CREG2: variants seen among roughly 807,000 people sequenced by gnomAD.
The protein encoded by CREG2 is protein CREG2.
CREG2 carries 24 observed loss-of-function variants against 26.2 expected under a neutral mutation model. That is an observed-to-expected ratio of 0.92 (90% CI 0.66 to 1.29). CREG2 has a LOEUF of 1.29. Among genes scored for constraint, CREG2 ranks in the 50% most tolerant of loss-of-function variants. The pLI is 0.00. For missense variants in CREG2, 366 were observed against 398.6 expected (o/e 0.92, Z 0.70); for synonymous variants, 174 against 169.2 (o/e 1.03, Z -0.22).
intron 2 of CREG2, among the ~76,000 whole-genome samples, chr2:101,362,391 A>G (rs1231764947): frequency 1.3e-5 from 2 of 152,182 alleles, no homozygotes; most frequent in African/African-American, 4.8e-5. Flanking sequence ...TGAACTGTTA[A>G]ATTTCACAAT....
rs1684334013 is a variant in CREG2 at position 101,348,570 on chromosome 2, G to A, written c.*2353C>T. On this transcript the variant is annotated 3_prime_UTR_variant, in exon 4 of 4. Transcript: ENST00000324768. ...GATTGCAAATGGTATTGTGTTTTTA[G>A]TTTTTTTCCCCACATGTTCATCGTT... 6.6e-6 allele frequency: 1 copy of A among 151,940 alleles called. No homozygotes were observed. The allele number at this position is 151,940 out of a possible 1,614,324, so 9.4% of individuals were successfully genotyped here.
intron 2 of CREG2, among the ~76,000 whole-genome samples, chr2:101,356,298 G>T (rs770691595): frequency 1.1e-4 from 16 of 152,102 alleles, no homozygotes; most frequent in Non-Finnish European, 1.9e-4. Context: ...CAACATTCTG[G>T]CTCAAAAACA....
intron 2 of CREG2, among the ~76,000 whole-genome samples, chr2:101,360,530 T>A (rs966127862): frequency 1.3e-5 from 2 of 152,172 alleles, no homozygotes; most frequent in Non-Finnish European, 2.9e-5. Context: ...ACATCAGGAA[T>A]TCGAGACCAG....
intron 3 of CREG2, among the ~76,000 whole-genome samples, chr2:101,351,935 G>C (rs1485188903): frequency 6.6e-6 from 1 of 152,008 alleles, no homozygotes; most frequent in Non-Finnish European, 1.5e-5. Flanking sequence ...GCCCTGGCTG[G>C]AGTGCAGTGG....
intron 2 of CREG2, 59 bp downstream of exon 2, chr2:101,383,474 C>G (rs752287466): frequency 6.4e-6 from 10 of 1,561,436 alleles, no homozygotes; most frequent in African/African-American, 5.4e-5. Context: ...AAACCCACCC[C>G]CAACTCTCTG....
chr2:101,363,449 G>T (rs577981939), intron 2 of CREG2, among the ~76,000 whole-genome samples: 131 of 152,254 alleles, frequency 8.6e-4, no homozygotes, highest in African/African-American at 2.6e-3. Context: ...CTACAATTTT[G>T]TAAGAGCTTC....
rs569176490 is a variant in CREG2 at position 101,379,038 on chromosome 2, C to T, written c.611+4495G>A. On this transcript the variant is annotated intron_variant, in intron 2 of 3. Coordinates refer to ENST00000324768, the MANE Select transcript of CREG2 (RefSeq NM_153836.4). ...AAAAGAAAAAAGAAAAAGGAGAGAT[C>T]ACCAACCTAGTACTTTTCCAGCTGA... 2.6e-5 allele frequency among the ~76,000 whole-genome samples: 4 copies of T among 152,048 alleles called. No individual in the cohort carries two copies. In the South Asian group the frequency reaches 8.3e-4, roughly 32 times the overall value.
intron 2 of CREG2, among the ~76,000 whole-genome samples, chr2:101,359,808 C>T (rs1342274052): frequency 6.6e-6 from 1 of 152,218 alleles, no homozygotes; most frequent in Non-Finnish European, 1.5e-5. Context: ...TCGCTGTTAC[C>T]AGCATTATGC....
chr2:101,382,706 GTTA>G (rs1684895327), intron 2 of CREG2: 1 of 985,280 alleles, frequency 1.0e-6, no homozygotes, highest in African/African-American at 1.7e-5. Context: ...ACATTGTTTG[GTTA>G]TTATGTTTTC....
Position 101,345,842 on chromosome 2 carries a change from T to TC in CREG2, c.*5080_*5081insG, listed in dbSNP as rs200262051. ...AAAAATTGTAGAAATACCTTTTTTTTTTTTTAAGAGACAAAGTCTCACTCT... is the reference window on the plus strand; with the variant it reads ...AAAAATTGTAGAAATACCTTTTTTTTCTTTTTAAGAGACAAAGTCTCACTCT... On this transcript the variant is annotated 3_prime_UTR_variant, in exon 4 of 4. Transcript: ENST00000324768. 3.0e-3 allele frequency: 451 copies of TC among 152,118 alleles called. 3 individuals are homozygous for TC. Among genetic ancestry groups the TC allele is most frequent in the African/African-American group, 0.01 (429 of 41,498 alleles). 9.4% of individuals were successfully genotyped at this position (152,118 alleles called of 1,614,324 possible). A position where few individuals can be genotyped will look rare whatever the true frequency, so the allele number is the denominator to read the frequency against.
chr2:101,383,477 ACT>A (rs931951464), intron 2 of CREG2, 54 bp downstream of exon 2: 9 of 1,574,114 alleles, frequency 5.7e-6, no homozygotes, highest in South Asian at 1.1e-5. Flanking sequence ...CCCACCCCCA[ACT>A]CTCTGTCAAA....
intron 2 of CREG2, among the ~76,000 whole-genome samples, chr2:101,355,718 G>T (rs982701043): frequency 2.6e-5 from 4 of 151,610 alleles, no homozygotes; most frequent in African/African-American, 4.8e-5. Flanking sequence ...GGTGGGGTTC[G>T]GGGGGGTGGG....
intron 1 of CREG2, among the ~76,000 whole-genome samples, chr2:101,386,594 C>T (rs1038120219): frequency 6.6e-6 from 1 of 152,230 alleles, no homozygotes; most frequent in Non-Finnish European, 1.5e-5. Context: ...GCTTCAGCTC[C>T]AGGTCAGAAG....
chr2:101,355,765 G>C (rs963963551), intron 2 of CREG2, among the ~76,000 whole-genome samples: 2 of 152,158 alleles, frequency 1.3e-5, no homozygotes, highest in Non-Finnish European at 2.9e-5. Context: ...GAGTACACAG[G>C]TGAGCAGGTT....
intron 2 of CREG2, among the ~76,000 whole-genome samples, chr2:101,365,095 C>T (rs1684600133): frequency 6.6e-6 from 1 of 152,176 alleles, no homozygotes. Flanking sequence ...GATGCGCCTT[C>T]CACACAGTGC....
At chr2:101,362,681 A>T (rs1028098110) in intron 2 of CREG2, among the ~76,000 whole-genome samples, 10 of 152,150 alleles carry the variant, frequency 6.6e-5, no homozygotes, top group Non-Finnish European at 1.5e-4. Flanking sequence ...TGACCCTGGG[A>T]GCTGAAGGAC....
chr2:101,384,893 G>C (rs1444294868), intron 1 of CREG2, among the ~76,000 whole-genome samples: 1 of 151,936 alleles, frequency 6.6e-6, no homozygotes, highest in Non-Finnish European at 1.5e-5. Flanking sequence ...AAAGAGCCTG[G>C]CACCTTCCCC....
intron 2 of CREG2, among the ~76,000 whole-genome samples, chr2:101,370,475 A>T (rs540277154): frequency 6.6e-6 from 1 of 152,260 alleles, no homozygotes; most frequent in Non-Finnish European, 1.5e-5. Context: ...GAGATTGAGA[A>T]TCAGACAAAT....
rs188442627 is a variant in CREG2, at chr2:101,375,195, A to G, written c.611+8338T>C. Among the ~76,000 whole-genome samples the G allele has an allele frequency of 3.2e-3, 483 of 152,254 alleles. 2 individuals carry two copies. The highest frequency in any genetic ancestry group is 0.011 in the African/African-American group (466 of 41,550). ...TTGCATCTTCAATATGCGCCCCTAC[A>G]AGCAAGTTGTTCCGAGGGATCCTCA... On this transcript the variant is annotated intron_variant, in intron 2 of 3. Coordinates refer to ENST00000324768, the MANE Select transcript of CREG2 (RefSeq NM_153836.4).
Sources: allele counts gnomAD v4.1 joint callset (sites outside exome capture counted in the v4.1 genomes callset), GRCh38; gene constraint gnomAD v4.1.1; transcripts MANE v1.5; gene names NCBI Gene and HGNC (gene_info 2026-07-23, HGNC 2026-07-21).